Variants in SERPINB7 observed in about 807,000 individuals in gnomAD.
The protein encoded by SERPINB7 is serpin B7.
SERPINB7 carries 31 observed loss-of-function variants against 37.4 expected under a neutral mutation model. The ratio of observed to expected loss-of-function variants is 0.83; its 90% CI spans 0.62 to 1.12. SERPINB7 has a LOEUF of 1.12. SERPINB7 is among the 50% of genes most tolerant of loss of function. SERPINB7 has a pLI of 0.00. For missense variants in SERPINB7, 521 were observed against 455.3 expected, an observed-to-expected ratio of 1.14 and a Z score of -1.31; for synonymous variants, 163 against 166.1, an observed-to-expected ratio of 0.98 and a Z score of 0.14.
chr18:63,775,043 T>G (rs1041049609), upstream of SERPINB7, among the ~76,000 whole-genome samples: 7 of 152,108 alleles, frequency 4.6e-5, no homozygotes, highest in Non-Finnish European at 1.0e-4. Flanking sequence ...GAGTGGCAAG[T>G]TGCAATAAAA....
intron 1 of SERPINB7, among the ~76,000 whole-genome samples, chr18:63,754,643 C>A (rs1057500197): frequency 6.6e-5 from 10 of 152,254 alleles, no homozygotes; most frequent in Admixed American, 4.6e-4. Flanking sequence ...CCCCACCCTC[C>A]ACCCAGCAGA....
chr18:63,803,212 C>T (rs1196341276), intron 7 of SERPINB7, among the ~76,000 whole-genome samples: 6 of 151,512 alleles, frequency 4.0e-5, no homozygotes, highest in Middle Eastern at 3.4e-3. Context: ...AACCAGATAA[C>T]GATGAGGAAG....
chr18:63,783,284 AAGAAAGAAAG>A (rs2049332307), intron 2 of SERPINB7, among the ~76,000 whole-genome samples: 2 of 132,842 alleles, frequency 1.5e-5, no homozygotes, highest in South Asian at 2.4e-4. Context: ...GAAAGAAAGA[AAGAAAGAAAG>A]AAATGCAAAT....
intron 1 of SERPINB7, among the ~76,000 whole-genome samples, chr18:63,754,695 A>G (rs2049110435): frequency 6.6e-6 from 1 of 152,108 alleles, no homozygotes; most frequent in Non-Finnish European, 1.5e-5. Context: ...ATGGAGTTTC[A>G]GCATCATTTC....
At chr18:63,762,887 T>C (rs1308688849) in intron 1 of SERPINB7, among the ~76,000 whole-genome samples, 8 of 152,198 alleles carry the variant, frequency 5.3e-5, no homozygotes, top group Admixed American at 5.2e-4. Flanking sequence ...AACAAGATAA[T>C]ATTTTAAAGT....
At chr18:63,789,774 A>G (rs1720839) in intron 2 of SERPINB7, among the ~76,000 whole-genome samples, 80,490 of 152,132 alleles carry the variant, frequency 0.53, 21,452 homozygotes, top group East Asian at 0.67. Context: ...AAAGGTTGAA[A>G]ATTAAAAGAC....
At chr18:63,798,556 A>T (rs747985330) in intron 5 of SERPINB7, 48 bp from the exon 6 acceptor site, 7 of 1,423,480 alleles carry the variant, frequency 4.9e-6, no homozygotes, top group Middle Eastern at 3.8e-4. Flanking sequence ...AATCATTTTT[A>T]AAATTATATT....
chr18:63,755,518 C>T (rs546986326), intron 1 of SERPINB7, among the ~76,000 whole-genome samples: 36 of 152,166 alleles, frequency 2.4e-4, no homozygotes, highest in African/African-American at 7.5e-4. Context: ...GAGCAAAATT[C>T]GCTTGAAAAA....
chr18:63,766,559 A>C (rs1176551362), intron 1 of SERPINB7, among the ~76,000 whole-genome samples: 1 of 152,058 alleles, frequency 6.6e-6, no homozygotes, highest in Non-Finnish European at 1.5e-5. Flanking sequence ...TCTAGTTTGC[A>C]CTTGAAGGCT....
At chr18:63,796,213 T>C (rs2049486002) in intron 4 of SERPINB7, 53 bp from the exon 5 acceptor site, 1 of 1,014,888 alleles carries the variant, frequency 9.9e-7, no homozygotes, top group Non-Finnish European at 1.5e-6. Context: ...ACATTTCTTA[T>C]ATACTTAGTT....
At chr18:63,767,545 G>T (rs950416407) in intron 1 of SERPINB7, among the ~76,000 whole-genome samples, 2 of 152,094 alleles carry the variant, frequency 1.3e-5, no homozygotes, top group African/African-American at 4.8e-5. Context: ...TCCTTGGAGT[G>T]TTAATAGATT....
chr18:63,765,602 GT>G (rs1436573234), intron 1 of SERPINB7, among the ~76,000 whole-genome samples: 1 of 151,966 alleles, frequency 6.6e-6, no homozygotes, highest in Admixed American at 6.6e-5. Context: ...ACAGTCCCTG[GT>G]TTTCCTCATC....
At chr18:63,789,895 A>G (rs1284059376) in intron 2 of SERPINB7, among the ~76,000 whole-genome samples, 1 of 152,224 alleles carries the variant, frequency 6.6e-6, no homozygotes, top group Non-Finnish European at 1.5e-5. Flanking sequence ...TCTAAAGACT[A>G]AGAAAGCTCT....
chr18:63,782,537 T>A lies in SERPINB7; in HGVS notation c.165T>A (p.Asp55Glu). The A allele has an allele frequency of 1.2e-6, 2 of 1,611,336 alleles. No homozygotes were observed. Among genetic ancestry groups the A allele is most frequent in the Non-Finnish European group, 8.5e-7 (1 of 1,178,640 alleles). The stretch of plus-strand genomic sequence containing the variant: ...AAGATGACTCCCTCTCTCAGATTGA[T>A]AAGGTCAGTCTCAGCTTTTGCAGTT... The part of the protein sequence containing the change: ...GAQDDSLSQI[D>E]KLLHVNTASG... Residue 55 changes from aspartate (D) to glutamate (E), a missense_variant, in exon 2 of 8, where the codon GAT becomes GAA. Coordinates refer to ENST00000398019, the MANE Select transcript of SERPINB7 (RefSeq NM_003784.4).
chr18:63,760,441 G>C (rs2049147017), intron 1 of SERPINB7, among the ~76,000 whole-genome samples: 1 of 152,204 alleles, frequency 6.6e-6, no homozygotes, highest in Non-Finnish European at 1.5e-5. Flanking sequence ...CTGACTATGT[G>C]ATAGAAAAGA....
rs2049395946 is a variant in SERPINB7, at chr18:63,788,546, A to C, written c.169-3847A>C. Among the ~76,000 whole-genome samples, 3 of 152,330 alleles carry C rather than the reference A, an allele frequency of 2.0e-5. No individual in the cohort carries two copies. The South Asian group carries it at 6.2e-4, about 32-fold the overall frequency. ...AGCCAAAGTTAACTTATTACTGAAA[A>C]CAAAAATATTCTTTATAAATGTAGT... On this transcript the variant is annotated intron_variant, in intron 2 of 7. Transcript: ENST00000398019.
intron 1 of SERPINB7, among the ~76,000 whole-genome samples, chr18:63,779,344 A>AAATAT (rs1252850479): frequency 4.6e-5 from 7 of 152,314 alleles, no homozygotes; most frequent in East Asian, 1.9e-4. Context: ...GTTCAGTCTT[A>AAATAT]AATATAATTG....
chr18:63,800,205 C>A (rs903505296), intron 6 of SERPINB7, among the ~76,000 whole-genome samples: 2 of 151,948 alleles, frequency 1.3e-5, no homozygotes, highest in Non-Finnish European at 2.9e-5. Context: ...AGGCATGTTC[C>A]ACCACACCCA....
intron 2 of SERPINB7, among the ~76,000 whole-genome samples, chr18:63,785,464 G>A (rs138869589): frequency 6.6e-6 from 1 of 152,224 alleles, no homozygotes; most frequent in East Asian, 1.9e-4. Context: ...CTGACAAGAC[G>A]TTCTGGGCTT....
Sources: gnomAD v4.1 joint callset for allele counts (sites outside exome capture counted in the v4.1 genomes callset) on GRCh38, gnomAD v4.1.1 for gene constraint, MANE v1.5 for transcripts, NCBI Gene and HGNC (gene_info 2026-07-23, HGNC 2026-07-21) for gene names.